Variants in MAML2 observed in about 807,000 individuals in gnomAD.
MAML2 encodes mastermind-like protein 2.
Under a neutral mutation model 96.1 loss-of-function variants are expected in MAML2, and 22 were observed. That is an observed-to-expected ratio of 0.23 (90% CI 0.16 to 0.33). The LOEUF (loss-of-function observed/expected upper bound fraction) is 0.33. Ranked by LOEUF, MAML2 falls within the 10% of genes least tolerant of loss-of-function variation. The pLI, the probability that MAML2 is intolerant of heterozygous loss-of-function variation, is 1.00. For synonymous variants in MAML2, 561 were observed against 521.3 expected (o/e 1.08, Z -1.04); for missense variants, 1,367 against 1,392.4 (o/e 0.98, Z 0.29).
intron 2 of MAML2, among the ~76,000 whole-genome samples, chr11:96,083,672 GGAC>G (rs1454958852): frequency 6.6e-6 from 1 of 152,134 alleles, no homozygotes; most frequent in African/African-American, 2.4e-5. Flanking sequence ...ACAGAAGAAA[GGAC>G]GATAAGTCAA....
intron 1 of MAML2, among the ~76,000 whole-genome samples, chr11:96,215,229 T>C (rs1862031145): frequency 6.6e-6 from 1 of 152,160 alleles, no homozygotes; most frequent in Non-Finnish European, 1.5e-5. Context: ...CAGAAATAAA[T>C]CATCTGAGTG....
At chr11:96,287,761 T>C (rs1170834691) in intron 1 of MAML2, among the ~76,000 whole-genome samples, 4 of 152,244 alleles carry the variant, frequency 2.6e-5, no homozygotes, top group Admixed American at 2.6e-4. Flanking sequence ...CAACATTATC[T>C]TTCAATGTTC....
chr11:96,092,081 CTGCTGCTGCTGTTGT>C lies in MAML2; in HGVS notation c.1935_1949del (p.Gln661_Gln665del). The C allele has an allele frequency of 6.5e-7, 1 of 1,549,020 alleles. No individual in the cohort carries two copies. Among genetic ancestry groups the C allele is most frequent in the Non-Finnish European group, 8.7e-7 (1 of 1,146,334 alleles). ...GCTGTTGTTGCTGTTGTTGTTGCTG[CTGCTGCTGCTGTTGT>C]TGCTGCTGCTGCTGCTGTTGGGCTG... On this transcript the variant is annotated inframe_deletion, in exon 2 of 5. Transcript: ENST00000524717. The surrounding 1 kb of genome is among the most constrained non-coding windows in gnomAD (Gnocchi z 4.1).
intron 1 of MAML2, among the ~76,000 whole-genome samples, chr11:96,148,772 A>G (rs1478196130): frequency 6.6e-6 from 1 of 152,096 alleles, no homozygotes; most frequent in Non-Finnish European, 1.5e-5. Flanking sequence ...TGAGAAAGAC[A>G]GACAGCACAT....
At position 95,981,932 on chromosome 11, in the gene MAML2, A is replaced by G. The variant is rs148413676; in HGVS notation, c.2456-1969T>C. On this transcript the variant is annotated intron_variant, in intron 4 of 4. Coordinates refer to ENST00000524717, the MANE Select transcript of MAML2 (RefSeq NM_032427.4). ...ATAAGGAAAACAATCTTTTTAAACAACCAGAATAGAGAGAATTTCCACAAA... is the reference window on the plus strand; with the variant it reads ...ATAAGGAAAACAATCTTTTTAAACAGCCAGAATAGAGAGAATTTCCACAAA... 2.4e-3 allele frequency among the ~76,000 whole-genome samples: 359 copies of G among 152,332 alleles called. 1 individual carries two copies. Among genetic ancestry groups the G allele is most frequent in the Non-Finnish European group, 4.1e-3 (282 of 68,024 alleles).
intron 1 of MAML2, among the ~76,000 whole-genome samples, chr11:96,323,112 A>C (rs992404065): frequency 6.6e-6 from 1 of 151,886 alleles, no homozygotes; most frequent in Admixed American, 6.6e-5. Context: ...CTGGTTTAAA[A>C]AAAAAAAAAA....
chr11:96,315,572 T>C (rs1188246014), intron 1 of MAML2, among the ~76,000 whole-genome samples: 1 of 152,208 alleles, frequency 6.6e-6, no homozygotes, highest in Admixed American at 6.5e-5. Flanking sequence ...ATAGAGCTTT[T>C]TACATTTTTG....
rs978495673 is a variant in MAML2 at position 96,332,539 on chromosome 11, C to G, written c.513+8844G>C. On this transcript the variant is annotated intron_variant, in intron 1 of 4. Coordinates refer to ENST00000524717, the MANE Select transcript of MAML2 (RefSeq NM_032427.4). ...GGCCCAAACTTTACTAAACGGTTGC[C>G]TCTGTCTGTTGTTTCTGTCAGGATA... Among the ~76,000 whole-genome samples the G allele has an allele frequency of 1.6e-4, 25 of 152,322 alleles. 1 individual carries two copies. The highest frequency in any genetic ancestry group is 6.0e-4 in the African/African-American group (25 of 41,580).
At chr11:96,217,513 T>C (rs1591078242) in intron 1 of MAML2, among the ~76,000 whole-genome samples, 1 of 152,230 alleles carries the variant, frequency 6.6e-6, no homozygotes, top group Non-Finnish European at 1.5e-5. Context: ...TATTCGAGCA[T>C]CTTCCTTGAC....
chr11:96,297,062 C>G (rs1863312246), intron 1 of MAML2, among the ~76,000 whole-genome samples: 1 of 152,012 alleles, frequency 6.6e-6, no homozygotes, highest in Non-Finnish European at 1.5e-5. Flanking sequence ...GTACTGTCAG[C>G]CATGTTTGGC....
chr11:96,221,153 C>T (rs1274991499), intron 1 of MAML2, among the ~76,000 whole-genome samples: 1 of 152,164 alleles, frequency 6.6e-6, no homozygotes, highest in African/African-American at 2.4e-5. Flanking sequence ...CACTGTAATG[C>T]AGCCTCCAGA....
intron 1 of MAML2, among the ~76,000 whole-genome samples, chr11:96,314,545 G>A (rs1440235635): frequency 6.6e-6 from 1 of 152,130 alleles, no homozygotes; most frequent in Non-Finnish European, 1.5e-5. Context: ...GTATCTAAGA[G>A]GTATAATAAG....
intron 1 of MAML2, among the ~76,000 whole-genome samples, chr11:96,141,824 G>T (rs906998338): frequency 3.3e-5 from 5 of 152,186 alleles, no homozygotes; most frequent in African/African-American, 1.2e-4. Flanking sequence ...TGTCCACATC[G>T]ATGGGCACTG....
At chr11:96,079,778 C>A (rs1463388197) in intron 2 of MAML2, among the ~76,000 whole-genome samples, 1 of 152,076 alleles carries the variant, frequency 6.6e-6, no homozygotes, top group African/African-American at 2.4e-5. Context: ...AATAGAGAGA[C>A]AAAAGGGATC....
Position 96,342,102 on chromosome 11 carries a change from C to CA in MAML2, c.-208dup, listed in dbSNP as rs1864005285. On this transcript the variant is annotated 5_prime_UTR_variant, in exon 1 of 5. Transcript: ENST00000524717. ...GAGGGTGGGGAGAAAGAATAGAAACCAACTGGGGGGAGGATAAGTTGGAAA... is the reference window on the plus strand; with the variant it reads ...GAGGGTGGGGAGAAAGAATAGAAACCAAACTGGGGGGAGGATAAGTTGGAAA... 1 of 552,718 alleles carries CA rather than the reference C, an allele frequency of 1.8e-6. No homozygotes were observed. Among genetic ancestry groups the CA allele is most frequent in the Non-Finnish European group, 3.2e-6 (1 of 313,692 alleles). The allele number at this position is 552,718 out of a possible 1,614,324, so 34.2% of individuals were successfully genotyped here.
At chr11:96,239,994 T>G (rs563396431) in intron 1 of MAML2, among the ~76,000 whole-genome samples, 1 of 152,220 alleles carries the variant, frequency 6.6e-6, no homozygotes, top group Non-Finnish European at 1.5e-5. Flanking sequence ...ATTTTTCTTA[T>G]AGGCTTCATA....
chr11:96,173,470 T>A (rs960098720), intron 1 of MAML2, among the ~76,000 whole-genome samples: 5 of 152,018 alleles, frequency 3.3e-5, no homozygotes, highest in Admixed American at 2.6e-4. Flanking sequence ...AGACTAAGAT[T>A]TTCAGAACCA....
chr11:96,286,100 T>A (rs1863135925), intron 1 of MAML2, among the ~76,000 whole-genome samples: 1 of 152,212 alleles, frequency 6.6e-6, no homozygotes, highest in African/African-American at 2.4e-5. Context: ...GTAGACTGGA[T>A]AAAGAAAATG....
intron 1 of MAML2, among the ~76,000 whole-genome samples, chr11:96,218,882 A>G (rs1862090877): frequency 2.0e-5 from 3 of 152,264 alleles, no homozygotes; most frequent in Non-Finnish European, 4.4e-5. Context: ...TCTGAAATTC[A>G]AATTTAACTG....
Sources: gnomAD v4.1 joint callset for allele counts (sites outside exome capture counted in the v4.1 genomes callset) on GRCh38, gnomAD v4.1.1 for gene constraint, Gnocchi (gnomAD v3.1) non-coding constraint, MANE v1.5 for transcripts, NCBI Gene and HGNC (gene_info 2026-07-23, HGNC 2026-07-21) for gene names.